LDAH: variants seen among roughly 807,000 people sequenced by gnomAD.
LDAH encodes lipid droplet-associated hydrolase.
A neutral mutation model predicts 29.6 loss-of-function variants in LDAH; 26 were observed. That is an observed-to-expected ratio of 0.88 (90% CI 0.64 to 1.22). The LOEUF is 1.22. Ranked by LOEUF, LDAH falls within the 50% of genes most tolerant of loss-of-function variation. The pLI, the probability that LDAH is intolerant of heterozygous loss-of-function variation, is 0.00. For synonymous variants in LDAH, 117 were observed against 133.0 expected, an observed-to-expected ratio of 0.88 and a Z score of 0.83; for missense variants, 344 against 387.3, an observed-to-expected ratio of 0.89 and a Z score of 0.94.
At chr2:20,736,559 G>T (rs1175582830) in intron 5 of LDAH, among the ~76,000 whole-genome samples, 2 of 152,110 alleles carry the variant, frequency 1.3e-5, no homozygotes, top group Admixed American at 1.3e-4. Flanking sequence ...TTGGGCAAAA[G>T]GATTATTTTA....
chr2:20,691,284 C>T (rs538053492), intron 6 of LDAH, among the ~76,000 whole-genome samples: 42 of 152,332 alleles, frequency 2.8e-4, no homozygotes, highest in Middle Eastern at 3.4e-3. Context: ...AAGTGACCTT[C>T]GCACATCAGC....
At chr2:20,817,364 T>C (rs1268501735) in intron 1 of LDAH, among the ~76,000 whole-genome samples, 2 of 152,004 alleles carry the variant, frequency 1.3e-5, no homozygotes, top group Non-Finnish European at 2.9e-5. Context: ...CTAAAAACCA[T>C]GTAGAATACT....
At chr2:20,717,584 G>A (rs1229184335) in intron 5 of LDAH, among the ~76,000 whole-genome samples, 1 of 152,132 alleles carries the variant, frequency 6.6e-6, no homozygotes, top group African/African-American at 2.4e-5. Flanking sequence ...ACTACCACAA[G>A]AACAGGTCAA....
At chr2:20,789,796 T>A (rs558035022) in intron 3 of LDAH, among the ~76,000 whole-genome samples, 1 of 152,214 alleles carries the variant, frequency 6.6e-6, no homozygotes, top group South Asian at 2.1e-4. Context: ...AGGAGTACCC[T>A]ACTGTGAACT....
At chr2:20,766,461 T>C (rs541420948) in intron 4 of LDAH, among the ~76,000 whole-genome samples, 1 of 152,354 alleles carries the variant, frequency 6.6e-6, no homozygotes, top group South Asian at 2.1e-4. Context: ...AGGCAGAGGC[T>C]ACTCCATCAA....
intron 1 of LDAH, among the ~76,000 whole-genome samples, chr2:20,815,966 G>A (rs1424053570): frequency 6.6e-6 from 1 of 151,946 alleles, no homozygotes; most frequent in Non-Finnish European, 1.5e-5. Context: ...GGTGTATAGA[G>A]AAAATACAAA....
chr2:20,708,889 A>G (rs1217285197), intron 5 of LDAH, among the ~76,000 whole-genome samples: 1 of 152,204 alleles, frequency 6.6e-6, no homozygotes, highest in African/African-American at 2.4e-5. Context: ...TAAAAAGACA[A>G]TCTAAAGAAT....
intron 4 of LDAH, among the ~76,000 whole-genome samples, chr2:20,756,241 G>C (rs1668334327): frequency 6.6e-6 from 1 of 151,970 alleles, no homozygotes; most frequent in Admixed American, 6.6e-5. Flanking sequence ...CACCATATTG[G>C]TCAGGCTGGT....
intron 5 of LDAH, among the ~76,000 whole-genome samples, chr2:20,728,278 G>A (rs949775612): frequency 6.6e-6 from 1 of 152,162 alleles, no homozygotes; most frequent in Admixed American, 6.5e-5. Context: ...TTAAAAGGTC[G>A]TTGTCTGGAT....
intron 3 of LDAH, among the ~76,000 whole-genome samples, chr2:20,779,075 C>T (rs1054317754): frequency 2.0e-5 from 3 of 152,140 alleles, no homozygotes; most frequent in Non-Finnish European, 4.4e-5. Context: ...AGGACTGAGT[C>T]TGCAGACAGT....
chr2:20,786,311 TCCCG>T, intron 3 of LDAH, among the ~76,000 whole-genome samples: 1 of 152,082 alleles, frequency 6.6e-6, no homozygotes, highest in South Asian at 2.1e-4. Flanking sequence ...TGCCTCAACC[TCCCG>T]AGTAGCTGGG....
At chr2:20,798,793 A>C (rs1190847147) in intron 2 of LDAH, among the ~76,000 whole-genome samples, 1 of 151,932 alleles carries the variant, frequency 6.6e-6, no homozygotes, top group Non-Finnish European at 1.5e-5. Context: ...AACTCAGGAG[A>C]ATTGCTTGAA....
chr2:20,784,302 A>G (rs1363722201), intron 3 of LDAH, among the ~76,000 whole-genome samples: 1 of 152,088 alleles, frequency 6.6e-6, no homozygotes, highest in Non-Finnish European at 1.5e-5. Context: ...GCTACTCAGG[A>G]GGCTGAGGTG....
intron 4 of LDAH, among the ~76,000 whole-genome samples, chr2:20,770,818 C>A (rs896105797): frequency 2.0e-5 from 3 of 152,122 alleles, no homozygotes; most frequent in Non-Finnish European, 4.4e-5. Context: ...CAGCTAATAC[C>A]AGTATGCCCC....
At chr2:20,739,016 A>C (rs1195922389) in intron 5 of LDAH, among the ~76,000 whole-genome samples, 1 of 152,258 alleles carries the variant, frequency 6.6e-6, no homozygotes, top group Admixed American at 6.5e-5. Context: ...AAGGAAATGC[A>C]ATACAGTGGC....
At chr2:20,699,675 C>G (rs1663770132) in intron 6 of LDAH, among the ~76,000 whole-genome samples, 1 of 152,114 alleles carries the variant, frequency 6.6e-6, no homozygotes. Context: ...ATCTCAAAAA[C>G]AAAACTATTG....
At chr2:20,717,768 G>A (rs1479956506) in intron 5 of LDAH, among the ~76,000 whole-genome samples, 2 of 152,054 alleles carry the variant, frequency 1.3e-5, no homozygotes, top group Non-Finnish European at 2.9e-5. Flanking sequence ...ATCAAAGTTA[G>A]GTTGCTATCA....
At chr2:20,740,657 C>A (rs1362540210) in intron 4 of LDAH, among the ~76,000 whole-genome samples, 1 of 152,080 alleles carries the variant, frequency 6.6e-6, no homozygotes, top group Non-Finnish European at 1.5e-5. Context: ...TCTGAATGTA[C>A]CGTAGTGTAT....
Position 20,685,177 on chromosome 2 carries a change from G to C in LDAH, c.*1726C>G, listed in dbSNP as rs1216222285. ...AATAAGACACAATTTCATACGTGCA[G>C]ACTTTTGAAATATGGAGTAACATTT... On this transcript the variant is annotated 3_prime_UTR_variant, in exon 7 of 7. Coordinates refer to ENST00000237822, the MANE Select transcript of LDAH (RefSeq NM_021925.4). 1 of 499,956 alleles carries C rather than the reference G, an allele frequency of 2.0e-6. No homozygotes were observed. Among genetic ancestry groups the C allele is most frequent in the East Asian group, 3.3e-5 (1 of 30,620 alleles). The allele number at this position is 499,956 out of a possible 1,614,324, so 31.0% of individuals were successfully genotyped here.
Sources: gnomAD v4.1 joint callset for allele counts (sites outside exome capture counted in the v4.1 genomes callset) on GRCh38, gnomAD v4.1.1 for gene constraint, MANE v1.5 for transcripts, NCBI Gene and HGNC (gene_info 2026-07-23, HGNC 2026-07-21) for gene names.